MYO5B: variants seen among roughly 807,000 people sequenced by gnomAD.
The protein encoded by MYO5B is myosin VB.
Under a neutral mutation model 229.3 loss-of-function variants are expected in MYO5B, and 143 were observed. The observed-to-expected ratio is 0.62, with a 90% CI of 0.54 to 0.72. The LOEUF (loss-of-function observed/expected upper bound fraction) is 0.72, where lower values mean the gene tolerates loss of function less well. Among genes scored for constraint, MYO5B ranks in the 30% least tolerant of loss-of-function variants. The pLI, the probability that MYO5B is intolerant of heterozygous loss-of-function variation, is 0.00. For missense variants in MYO5B, 2,321 were observed against 2,331.0 expected (o/e 1.00, Z 0.09); for synonymous variants, 918 against 885.2 (o/e 1.04, Z -0.66).
rs1017371807 is a variant in MYO5B at position 49,853,402 on chromosome 18, A to G, written c.4221+47T>C. The G allele has an allele frequency of 6.8e-6, 11 of 1,605,884 alleles. No individual in the cohort carries two copies. In the East Asian group the frequency reaches 2.2e-4, roughly 33 times the overall value. On this transcript the variant is annotated intron_variant, in intron 31 of 39. Coordinates refer to ENST00000285039, the MANE Select transcript of MYO5B (RefSeq NM_001080467.3). ...GGCAACCCCGATCCCATTTGCTTCT[A>G]GAACGTGACTTCCCAAAGCTGGGGT...
At chr18:49,850,037 C>G (rs1036713563) in intron 31 of MYO5B, 4 of 350,766 alleles carry the variant, frequency 1.1e-5, no homozygotes, top group Non-Finnish European at 2.2e-5. Flanking sequence ...AAGGAACGGA[C>G]AGGTGTGAGA....
At chr18:49,971,182 A>G (rs1305030725) in intron 10 of MYO5B, among the ~76,000 whole-genome samples, 1 of 152,194 alleles carries the variant, frequency 6.6e-6, no homozygotes, top group Non-Finnish European at 1.5e-5. Flanking sequence ...ACTCCTTAGA[A>G]TCACTTCCCA....
In MYO5B at chr18:49,826,550, G is replaced by C; in HGVS notation, c.5468C>G (p.Pro1823Arg). 6.2e-7 allele frequency: 1 copy of C among 1,614,048 alleles called. No individual in the cohort carries two copies. Among genetic ancestry groups the C allele is most frequent in the Non-Finnish European group, 8.5e-7 (1 of 1,179,946 alleles). Residue 1823 changes from proline (P) to arginine (R), a missense_variant, in exon 40 of 40, where the codon CCA becomes CGA. This residue lies in a region of MYO5B where 208 missense variants were observed against 286.3 expected (regional missense o/e 0.73). Transcript: ENST00000285039. ...CATGGTTAGAGAAGATGGATTAAAT[G>C]GAAACAAAACAGGAAACATGTGCTT... is the stretch of plus-strand genomic sequence containing the variant. ...DAKHMFPVLF[P>R]FNPSSLTMDS...
chr18:50,156,609 C>A (rs1422628432), intron 1 of MYO5B, among the ~76,000 whole-genome samples: 1 of 152,212 alleles, frequency 6.6e-6, no homozygotes, highest in Non-Finnish European at 1.5e-5. Context: ...ATAAATTACC[C>A]AGTCTCGGGA....
intron 1 of MYO5B, among the ~76,000 whole-genome samples, chr18:50,078,161 C>A (rs1212965783): frequency 6.6e-6 from 1 of 152,202 alleles, no homozygotes; most frequent in Non-Finnish European, 1.5e-5. Context: ...ACTCAAAGAT[C>A]TGGTTTCTTT....
chr18:50,110,865 A>C (rs1207724575), intron 1 of MYO5B, among the ~76,000 whole-genome samples: 1 of 152,242 alleles, frequency 6.6e-6, no homozygotes, highest in East Asian at 1.9e-4. Context: ...AGGAGAAAGC[A>C]GGCAAACACC....
At chr18:50,174,733 G>A (rs1376581154) in intron 1 of MYO5B, among the ~76,000 whole-genome samples, 1 of 152,166 alleles carries the variant, frequency 6.6e-6, no homozygotes, top group Non-Finnish European at 1.5e-5. Flanking sequence ...CAGTGGTGTG[G>A]TAATATACAG....
intron 1 of MYO5B, among the ~76,000 whole-genome samples, chr18:50,068,969 C>T (rs568326072): frequency 6.6e-6 from 1 of 152,102 alleles, no homozygotes; most frequent in East Asian, 1.9e-4. Context: ...ACAGATAGGC[C>T]TCTCTCTAAT....
Position 50,055,335 on chromosome 18 carries a change from G to A in MYO5B, c.71C>T (p.Ser24Leu), listed in dbSNP as rs1407069619. 2 of 1,610,878 alleles carry A rather than the reference G, an allele frequency of 1.2e-6. No individual in the cohort carries two copies. The highest frequency in any genetic ancestry group is 1.7e-5 in the Admixed American group (1 of 59,180). Residue 24 changes from serine (S) to leucine (L), a missense_variant, in exon 2 of 40, where the codon TCA (serine) becomes TTA (leucine). This residue lies in a region of MYO5B where 2,113 missense variants were observed against 2,044.7 expected (regional missense o/e 1.03). Transcript: ENST00000285039. ...TTTGTAGTCCTTGGTTAACTCAGCT[G>A]AGCGCCATACCTCATCAGGGTCAGG... is the stretch of plus-strand genomic sequence containing the variant. ...WIPDPDEVWR[S>L]AELTKDYKEG... is the part of the protein sequence containing the mutation.
At chr18:49,871,728 C>G in intron 27 of MYO5B, 1 of 250,214 alleles carries the variant, frequency 4.0e-6, no homozygotes, top group South Asian at 5.7e-5. Flanking sequence ...CACATTACCA[C>G]GTCTTTGAGG....
At position 50,176,664 on chromosome 18, in the gene MYO5B, A is replaced by G. The variant is rs139055589; in HGVS notation, c.27+18103T>C. On this transcript the variant is annotated intron_variant, in intron 1 of 39. Transcript: ENST00000285039. ...CCACCACTCAGAGTTCACCCAAGGA[A>G]CTTTGTAAAACTTCCATTCAAAAGT... is the stretch of plus-strand genomic sequence containing the variant. Among the ~76,000 whole-genome samples the G allele has an allele frequency of 2.6e-5, 4 of 152,314 alleles. No homozygotes were observed. The East Asian group carries it at 7.7e-4, about 29-fold the overall frequency.
intron 22 of MYO5B, among the ~76,000 whole-genome samples, chr18:49,888,523 G>C (rs895499588): frequency 6.6e-6 from 1 of 152,182 alleles, no homozygotes; most frequent in Non-Finnish European, 1.5e-5. Context: ...AAGGGCACGG[G>C]TTTGGGAATG....
At chr18:50,146,246 G>A (rs2032500204) in intron 1 of MYO5B, among the ~76,000 whole-genome samples, 1 of 152,206 alleles carries the variant, frequency 6.6e-6, no homozygotes, top group South Asian at 2.1e-4. Context: ...CTTTAGAGAT[G>A]GGGAAATCAA....
In MYO5B at chr18:49,863,119, C is replaced by T. The variant is rs2024350833; in HGVS notation, c.3944+108G>A. The T allele has an allele frequency of 4.7e-6, 4 of 845,636 alleles. No individual in the cohort carries two copies. In the Admixed American group the frequency reaches 7.4e-5, roughly 16 times the overall value. 52.4% of individuals were successfully genotyped at this position (845,636 alleles called of 1,614,324 possible). ...TCTGTGTCCTCTAATAAATAATTCTCTGATGCTGAGCACATGGTCATCACC... is the reference window on the plus strand; with the variant it reads ...TCTGTGTCCTCTAATAAATAATTCTTTGATGCTGAGCACATGGTCATCACC... On this transcript the variant is annotated intron_variant, in intron 29 of 39. Coordinates refer to ENST00000285039, the MANE Select transcript of MYO5B (RefSeq NM_001080467.3).
At chr18:49,904,878 C>T (rs757492953) in intron 19 of MYO5B, 50 bp from the exon 20 acceptor site, 3 of 1,601,628 alleles carry the variant, frequency 1.9e-6, no homozygotes, top group Admixed American at 1.7e-5. Context: ...TATTGACCGC[C>T]CTGATGCAGA....
intron 32 of MYO5B, among the ~76,000 whole-genome samples, chr18:49,849,074 G>A (rs1003032792): frequency 1.3e-5 from 2 of 152,020 alleles, no homozygotes; most frequent in African/African-American, 4.8e-5. Flanking sequence ...GTGACACAGT[G>A]AGATTTGCAG....
At chr18:50,169,773 G>A (rs1161371006) in intron 1 of MYO5B, among the ~76,000 whole-genome samples, 1 of 127,602 alleles carries the variant, frequency 7.8e-6, no homozygotes, top group Non-Finnish European at 1.7e-5. Flanking sequence ...TTTTCCTGAA[G>A]TCTGAAAAGA....
intron 1 of MYO5B, among the ~76,000 whole-genome samples, chr18:50,173,570 A>C (rs772840898): frequency 5.3e-5 from 8 of 152,156 alleles, no homozygotes; most frequent in Non-Finnish European, 1.0e-4. Context: ...TGCGGGCCAG[A>C]GATCGTGGTG....
At chr18:49,851,223 G>A (rs1386419504) in intron 31 of MYO5B, among the ~76,000 whole-genome samples, 1 of 152,110 alleles carries the variant, frequency 6.6e-6, no homozygotes, top group Admixed American at 6.5e-5. Context: ...CATCTTCTCA[G>A]GAAAGCCCAG....
Sources: allele counts gnomAD v4.1 joint callset (sites outside exome capture counted in the v4.1 genomes callset), GRCh38; gene constraint gnomAD v4.1.1; regional missense constraint gnomAD v4.1.1; transcripts MANE v1.5; gene names NCBI Gene and HGNC (gene_info 2026-07-23, HGNC 2026-07-21).